ERCC1: variants seen among roughly 807,000 people sequenced by gnomAD.
ERCC1 encodes the protein DNA excision repair protein ERCC-1.
A neutral mutation model predicts 37.6 loss-of-function variants in ERCC1; 36 were observed. The ratio of observed to expected loss-of-function variants is 0.96; its 90% CI spans 0.73 to 1.26. The LOEUF (loss-of-function observed/expected upper bound fraction) is 1.26, where lower values mean the gene tolerates loss of function less well. Ranked by LOEUF, ERCC1 falls within the 50% of genes most tolerant of loss-of-function variation. The pLI is 0.00. For synonymous variants in ERCC1, 156 were observed against 162.1 expected (o/e 0.96, Z 0.28); for missense variants, 349 against 376.5 (o/e 0.93, Z 0.60).
At chr19:45,425,371 C>T (rs1347582026), upstream of ERCC1, among the ~76,000 whole-genome samples, 1 of 152,060 alleles carries the variant, frequency 6.6e-6, no homozygotes. Context: ...TGGCTTTAAT[C>T]TATGTAAGAT....
At chr19:45,416,502 A>G (rs1974075063) in intron 6 of ERCC1, 1 of 319,308 alleles carries the variant, frequency 3.1e-6, no homozygotes, top group Admixed American at 4.7e-5. Context: ...ATACAAAAAA[A>G]TTAGCTGGGC....
At chr19:45,432,601 T>C (rs564547534) in intron 1 of ERCC1, among the ~76,000 whole-genome samples, 22 of 152,264 alleles carry the variant, frequency 1.4e-4, no homozygotes, top group African/African-American at 5.3e-4. Context: ...TGGAGTTCAA[T>C]GGTGCAGTCA....
intron 1 of ERCC1, among the ~76,000 whole-genome samples, chr19:45,443,870 C>T (rs1039625104): frequency 6.6e-6 from 1 of 151,788 alleles, no homozygotes; most frequent in African/African-American, 2.4e-5. Flanking sequence ...TCCGAACCGG[C>T]AAACCTCTCT....
rs2336219 is a variant in ERCC1 at position 45,409,148 on chromosome 19, G to C, written c.*527C>G. On this transcript the variant is annotated 3_prime_UTR_variant, in exon 10 of 10. Coordinates refer to ENST00000300853, the MANE Select transcript of ERCC1 (RefSeq NM_001983.4). Reference sequence around the variant, plus strand: ...GAAGACGAAGAAAGAAAAACAGCAAGATGCCACAGTGGAGCCAGAGACAGA... The same window carrying C: ...GAAGACGAAGAAAGAAAAACAGCAACATGCCACAGTGGAGCCAGAGACAGA... 6.8e-6 allele frequency: 11 copies of C among 1,613,776 alleles called. No homozygotes were observed. The East Asian group carries it at 2.5e-4, about 36-fold the overall frequency.
Position 45,420,492 on chromosome 19 carries a change from T to G in ERCC1, c.322-65A>C. 3 of 999,894 alleles carry G rather than the reference T, an allele frequency of 3.0e-6. No homozygotes were observed. The highest frequency in any genetic ancestry group is 4.7e-6 in the Non-Finnish European group (3 of 638,396). 61.9% of individuals were successfully genotyped at this position (999,894 alleles called of 1,614,324 possible). A position where few individuals can be genotyped will look rare whatever the true frequency, so the allele number is the denominator to read the frequency against. ...ACCCTTGATAACCACAGGGCCCTCC[T>G]CCACCTCTTCTTGCACCTCCTCCCT... On this transcript the variant is annotated intron_variant, in intron 3 of 9. Transcript: ENST00000300853. The surrounding 1 kb of genome is among the most constrained non-coding windows in gnomAD (Gnocchi z 4.8).
rs1974240449 is a variant in ERCC1, at chr19:45,419,113, A to G, written c.510T>C (p.Leu170=). The G allele has an allele frequency of 1.3e-6, 2 of 1,582,246 alleles. No individual in the cohort carries two copies. Among genetic ancestry groups the G allele is most frequent in the Non-Finnish European group, 1.7e-6 (2 of 1,162,872 alleles). Residue 170 remains leucine, a synonymous_variant, in exon 5 of 10, where the codon CTT becomes CTC. Coordinates refer to ENST00000300853, the MANE Select transcript of ERCC1 (RefSeq NM_001983.4). The part of the protein sequence containing the change: ...LGKNFALRVL[L]VQVDVKDPQQ... ...CCCTGCTTACCACATCCACCTGGAC[A>G]AGCAGGACCCGCAAGGCGAAGTTCT...
At chr19:45,431,121 T>C (rs1470800323) in intron 1 of ERCC1, among the ~76,000 whole-genome samples, 1 of 152,014 alleles carries the variant, frequency 6.6e-6, no homozygotes, top group African/African-American at 2.4e-5. Context: ...CCCGGCTAAT[T>C]TTTTTGTATT....
chr19:45,439,799 C>T (rs1051515589), intron 1 of ERCC1, among the ~76,000 whole-genome samples: 4 of 151,982 alleles, frequency 2.6e-5, no homozygotes, highest in Non-Finnish European at 4.4e-5. Flanking sequence ...GCCCCCTCGC[C>T]GTGCCTCGGG....
intron 1 of ERCC1, among the ~76,000 whole-genome samples, chr19:45,429,489 A>G (rs541151213): frequency 2.0e-5 from 3 of 152,244 alleles, no homozygotes; most frequent in Admixed American, 1.3e-4. Context: ...GGAAAGAAAA[A>G]TAAAGACAGA....
intron 1 of ERCC1, among the ~76,000 whole-genome samples, chr19:45,432,049 G>T (rs192782327): frequency 1.8e-4 from 28 of 152,036 alleles, no homozygotes; most frequent in Admixed American, 1.8e-3. Context: ...TTGGCTCGCT[G>T]CAACCTCCGC....
chr19:45,447,699 A>C (rs1305682521), intron 1 of ERCC1, among the ~76,000 whole-genome samples: 1 of 152,088 alleles, frequency 6.6e-6, no homozygotes, highest in Non-Finnish European at 1.5e-5. Flanking sequence ...TAACTGCCGC[A>C]GAATGACTCT....
At chr19:45,425,658 C>A (rs1047380904), upstream of ERCC1, among the ~76,000 whole-genome samples, 2 of 152,152 alleles carry the variant, frequency 1.3e-5, no homozygotes, top group African/African-American at 4.8e-5. Flanking sequence ...GCATGAGCCA[C>A]GGTGCCTGGC....
At chr19:45,431,272 T>A (rs61390465) in intron 1 of ERCC1, among the ~76,000 whole-genome samples, 42,671 of 152,116 alleles carry the variant, frequency 0.28, 7,742 homozygotes, top group African/African-American at 0.51. Flanking sequence ...ATTAAAACAA[T>A]GCCCTTCCTC....
chr19:45,412,120 A>G (rs1018933419), intron 9 of ERCC1, among the ~76,000 whole-genome samples: 2 of 151,392 alleles, frequency 1.3e-5, no homozygotes, highest in African/African-American at 4.9e-5. Context: ...CGGCCTCCCA[A>G]AGTGTTGGGA....
chr19:45,426,239 C>T (rs1039250045), upstream of ERCC1, among the ~76,000 whole-genome samples: 2 of 151,832 alleles, frequency 1.3e-5, no homozygotes, highest in African/African-American at 2.4e-5. Flanking sequence ...ATTAGTTGGG[C>T]GTGGTAGCGC....
intron 1 of ERCC1, among the ~76,000 whole-genome samples, chr19:45,447,419 G>T (rs905542822): frequency 1.3e-5 from 2 of 151,778 alleles, no homozygotes; most frequent in African/African-American, 4.8e-5. Context: ...GGAACTACAG[G>T]CACGTGCCAC....
At position 45,421,194 on chromosome 19, in the gene ERCC1, A is replaced by G; in HGVS notation, c.305T>C (p.Ile102Thr). Residue 102 changes from isoleucine (I) to threonine (T), a missense_variant, in exon 3 of 10, where the codon ATT becomes ACT. Coordinates refer to ENST00000300853, the MANE Select transcript of ERCC1 (RefSeq NM_001983.4). ...CCTCCTCACCTGCCGAGGGCTCACAATGATGCTGTTGGATTTTGCCCCGGG... is the reference window on the plus strand; with the variant it reads ...CCTCCTCACCTGCCGAGGGCTCACAGTGATGCTGTTGGATTTTGCCCCGGG... ...LKPGAKSNSI[I>T]VSPRQRGNPV... is the part of the protein sequence containing the mutation. The G allele has an allele frequency of 6.2e-7, 1 of 1,614,040 alleles. No individual in the cohort carries two copies.
chr19:45,409,899 T>TATTATTA lies in ERCC1; in HGVS notation c.844-175_844-174insTAATAAT, dbSNP rs201059197. The TATTATTA allele has an allele frequency of 2.4e-4, 62 of 259,392 alleles. No homozygotes were observed. The East Asian group carries it at 2.6e-3, about 11-fold the overall frequency. The allele number at this position is 259,392 out of a possible 1,614,324, so 16.1% of individuals were successfully genotyped here. Reference sequence around the variant, plus strand: ...TAAGTTATTATTATTATTATTATTTTTTTTTTTTTTGAGATGGAGTCTCGC... The same window carrying TATTATTA: ...TAAGTTATTATTATTATTATTATTTTATTATTATTTTTTTTTTGAGATGGAGTCTCGC... On this transcript the variant is annotated intron_variant, in intron 9 of 9. Transcript: ENST00000300853.
At chr19:45,430,180 G>A (rs1348381176) in intron 1 of ERCC1, among the ~76,000 whole-genome samples, 2 of 152,178 alleles carry the variant, frequency 1.3e-5, no homozygotes, top group East Asian at 1.9e-4. Flanking sequence ...TGTCCCCAGC[G>A]CTGCCCAGCA....
Sources: gnomAD v4.1 joint callset for allele counts (sites outside exome capture counted in the v4.1 genomes callset) on GRCh38, gnomAD v4.1.1 for gene constraint, Gnocchi (gnomAD v3.1) non-coding constraint, MANE v1.5 for transcripts, NCBI Gene and HGNC (gene_info 2026-07-23, HGNC 2026-07-21) for gene names.